Variants in CNTNAP2 observed in about 807,000 individuals in gnomAD.
CNTNAP2 encodes contactin associated protein 2.
CNTNAP2 carries 98 observed loss-of-function variants against 155.2 expected under a neutral mutation model. That is an observed-to-expected ratio of 0.63 (90% CI 0.54 to 0.75). CNTNAP2 has a LOEUF of 0.75. Among genes scored for constraint, CNTNAP2 ranks in the 30% least tolerant of loss-of-function variants. CNTNAP2 has a pLI of 0.00. For missense variants in CNTNAP2, 1,727 were observed against 1,688.1 expected (o/e 1.02, Z -0.40); for synonymous variants, 651 against 631.2 (o/e 1.03, Z -0.47).
In CNTNAP2 at chr7:148,375,953, T is replaced by C. The variant is rs753092988; in HGVS notation, c.3476-7696T>C. Among the ~76,000 whole-genome samples the C allele has an allele frequency of 4.5e-4, 27 of 59,534 alleles. 11 individuals are homozygous for C. The highest frequency in any genetic ancestry group is 1.1e-3 in the Non-Finnish European group (23 of 21,846). 39.1% of individuals were successfully genotyped at this position (59,534 alleles called of 152,430 possible). On this transcript the variant is annotated intron_variant, in intron 21 of 23. Transcript: ENST00000361727. Reference sequence around the variant, plus strand: ...AGGTGGAGGTTGCAGTGAGCCGAGATTGCGCCACTGCACTCCAGCCTGGGT... The same window carrying C: ...AGGTGGAGGTTGCAGTGAGCCGAGACTGCGCCACTGCACTCCAGCCTGGGT...
chr7:146,826,855 T>TAGAGAG lies in CNTNAP2; in HGVS notation c.209-12855_209-12854insGAGAGA, dbSNP rs1453854243. On this transcript the variant is annotated intron_variant, in intron 2 of 23. Transcript: ENST00000361727. The stretch of plus-strand genomic sequence containing the variant: ...ATATATGTATATATATATATATATA[T>TAGAGAG]ATAGAGAGAGAGAGAGAGAGAGAGA... Among the ~76,000 whole-genome samples, 191 of 140,074 alleles carry TAGAGAG rather than the reference T, an allele frequency of 1.4e-3. 1 individual carries two copies. Among genetic ancestry groups the TAGAGAG allele is most frequent in the African/African-American group, 5.2e-3 (186 of 35,920 alleles). The allele number at this position is 140,074 out of a possible 152,430, so 91.9% of individuals were successfully genotyped here. A position where few individuals can be genotyped will look rare whatever the true frequency, so the allele number is the denominator to read the frequency against.
intron 3 of CNTNAP2, among the ~76,000 whole-genome samples, chr7:146,882,437 G>A (rs1795570429): frequency 6.6e-6 from 1 of 151,968 alleles, no homozygotes; most frequent in Non-Finnish European, 1.5e-5. Context: ...TTAGATCATG[G>A]TTCCGCCATG....
intron 9 of CNTNAP2, among the ~76,000 whole-genome samples, chr7:147,314,064 T>C (rs886781989): frequency 3.3e-5 from 5 of 152,168 alleles, no homozygotes; most frequent in African/African-American, 1.2e-4. Flanking sequence ...ACTCTCTGTT[T>C]GTCTGTTATT....
chr7:146,514,195 T>C (rs1797508973), intron 1 of CNTNAP2, among the ~76,000 whole-genome samples: 1 of 152,090 alleles, frequency 6.6e-6, no homozygotes, highest in South Asian at 2.1e-4. Context: ...TTGACTATTA[T>C]ATGACCTGGG....
intron 19 of CNTNAP2, among the ~76,000 whole-genome samples, chr7:148,224,645 G>A (rs952307573): frequency 2.0e-5 from 3 of 152,124 alleles, no homozygotes; most frequent in Non-Finnish European, 2.9e-5. Flanking sequence ...GGAAGAAGAC[G>A]GTACAGAAGC....
chr7:146,198,443 A>G (rs1798809079), intron 1 of CNTNAP2, among the ~76,000 whole-genome samples: 1 of 152,094 alleles, frequency 6.6e-6, no homozygotes, highest in South Asian at 2.1e-4. Flanking sequence ...AAAATAAGAG[A>G]TATATTCTAA....
chr7:148,007,041 T>C (rs1801995551), intron 15 of CNTNAP2, among the ~76,000 whole-genome samples: 1 of 152,224 alleles, frequency 6.6e-6, no homozygotes. Context: ...AGTTCTTAAC[T>C]GACTTGGAAA....
At chr7:146,143,407 C>CTAGAAATAAG (rs1797909015) in intron 1 of CNTNAP2, among the ~76,000 whole-genome samples, 1 of 152,032 alleles carries the variant, frequency 6.6e-6, no homozygotes, top group Non-Finnish European at 1.5e-5. Context: ...TGAATAAGGA[C>CTAGAAATAAG]AAAAACCTCA....
chr7:146,290,725 A>G (rs1056480329), intron 1 of CNTNAP2, among the ~76,000 whole-genome samples: 1 of 152,246 alleles, frequency 6.6e-6, no homozygotes, highest in Non-Finnish European at 1.5e-5. Context: ...CTACTTAAAC[A>G]CTTTGAACAT....
chr7:146,325,497 G>A (rs949893959), intron 1 of CNTNAP2, among the ~76,000 whole-genome samples: 7 of 151,934 alleles, frequency 4.6e-5, no homozygotes, highest in Non-Finnish European at 1.0e-4. Flanking sequence ...CTTTTGTCCT[G>A]TTTTACATAT....
At chr7:148,114,174 A>G (rs1804414045) in intron 15 of CNTNAP2, among the ~76,000 whole-genome samples, 1 of 152,218 alleles carries the variant, frequency 6.6e-6, no homozygotes, top group Admixed American at 6.5e-5. Context: ...AATGCATGGT[A>G]TTGTTCAATG....
Position 148,267,016 on chromosome 7 carries a change from T to C in CNTNAP2, c.3382-17T>C, listed in dbSNP as rs1400477416. 1 of 1,612,638 alleles carries C rather than the reference T, an allele frequency of 6.2e-7. No individual in the cohort carries two copies. The highest frequency in any genetic ancestry group is 2.2e-5 in the East Asian group (1 of 44,876). ...AGAGACGTGCTTCTAAAAGTGTCTC[T>C]TGTTTTCCTCCTGCAGCTCGATCAT... On this transcript the variant is annotated splice_polypyrimidine_tract_variant and intron_variant, in intron 20 of 23. Transcript: ENST00000361727.
intron 1 of CNTNAP2, among the ~76,000 whole-genome samples, chr7:146,735,575 G>A (rs1801602471): frequency 6.7e-6 from 1 of 148,720 alleles, no homozygotes; most frequent in South Asian, 2.1e-4. Context: ...CAACAACTTG[G>A]TTTGAAACAT....
intron 1 of CNTNAP2, among the ~76,000 whole-genome samples, chr7:146,377,959 T>A (rs1052257220): frequency 6.6e-6 from 1 of 152,184 alleles, no homozygotes; most frequent in African/African-American, 2.4e-5. Context: ...TCATCCACAA[T>A]TCTTATGTTA....
intron 17 of CNTNAP2, among the ~76,000 whole-genome samples, chr7:148,150,410 T>C (rs936852798): frequency 1.3e-5 from 2 of 151,964 alleles, no homozygotes; most frequent in Non-Finnish European, 2.9e-5. Flanking sequence ...TAGCCAGGCA[T>C]GGTGGTGGGT....
chr7:146,365,519 T>C (rs1795142647), intron 1 of CNTNAP2, among the ~76,000 whole-genome samples: 1 of 152,202 alleles, frequency 6.6e-6, no homozygotes, highest in Non-Finnish European at 1.5e-5. Context: ...TTTTCATATC[T>C]AAGTGACAAA....
intron 10 of CNTNAP2, among the ~76,000 whole-genome samples, chr7:147,402,597 C>A (rs749399418): frequency 1.3e-5 from 2 of 152,142 alleles, no homozygotes; most frequent in African/African-American, 4.8e-5. Flanking sequence ...CTAATACCTT[C>A]GTCTGATCTA....
At position 146,998,811 on chromosome 7, in the gene CNTNAP2, A is replaced by G. The variant is rs905121891; in HGVS notation, c.403-45096A>G. ...TTTCACAGATTTTGGCTTAAAGTCT[A>G]TTTTATCTGATATAACTATACCTAG... On this transcript the variant is annotated intron_variant, in intron 3 of 23. Coordinates refer to ENST00000361727, the MANE Select transcript of CNTNAP2 (RefSeq NM_014141.6). Among the ~76,000 whole-genome samples the G allele has an allele frequency of 8.6e-5, 13 of 151,972 alleles. 1 individual carries two copies. The highest frequency in any genetic ancestry group is 7.9e-4 in the Admixed American group (12 of 15,232).
At chr7:146,476,635 C>T (rs1314829483) in intron 1 of CNTNAP2, among the ~76,000 whole-genome samples, 1 of 152,028 alleles carries the variant, frequency 6.6e-6, no homozygotes, top group African/African-American at 2.4e-5. Flanking sequence ...GATGAAGATT[C>T]TACCTAGAAT....
Sources: gnomAD v4.1 joint callset for allele counts (sites outside exome capture counted in the v4.1 genomes callset) on GRCh38, gnomAD v4.1.1 for gene constraint, MANE v1.5 for transcripts, NCBI Gene and HGNC (gene_info 2026-07-23, HGNC 2026-07-21) for gene names.